CDH8: variants seen among roughly 807,000 people sequenced by gnomAD.
The protein encoded by CDH8 is cadherin-8.
CDH8 carries 17 observed loss-of-function variants against 68.1 expected under a neutral mutation model. The ratio of observed to expected loss-of-function variants is 0.25; its 90% CI spans 0.17 to 0.37. The LOEUF (loss-of-function observed/expected upper bound fraction) is 0.37, where lower values mean the gene tolerates loss of function less well. Among genes scored for constraint, CDH8 ranks in the 10% least tolerant of loss-of-function variants. The pLI, the probability that CDH8 is intolerant of heterozygous loss-of-function variation, is 1.00. For missense variants in CDH8, 763 were observed against 999.3 expected, an observed-to-expected ratio of 0.76 and a Z score of 3.19; for synonymous variants, 372 against 365.1, an observed-to-expected ratio of 1.02 and a Z score of -0.21.
chr16:61,933,512 CT>C (rs752664944), intron 2 of CDH8, among the ~76,000 whole-genome samples: 6 of 152,098 alleles, frequency 3.9e-5, no homozygotes, highest in Non-Finnish European at 7.3e-5. Flanking sequence ...TGATTTTGAA[CT>C]TAGAAAAGAT....
intron 2 of CDH8, among the ~76,000 whole-genome samples, chr16:61,907,579 C>T (rs1243178051): frequency 2.0e-5 from 3 of 151,730 alleles, no homozygotes; most frequent in Non-Finnish European, 4.4e-5. Context: ...ACCCAGGAGG[C>T]CAAGGTGGGA....
At chr16:61,768,342 CTCTCT>C in intron 8 of CDH8, among the ~76,000 whole-genome samples, 1 of 110,884 alleles carries the variant, frequency 9.0e-6, no homozygotes, top group African/African-American at 3.7e-5. Context: ...CTCTCTCTCT[CTCTCT>C]CTCTCTCTCT....
intron 11 of CDH8, 101 bp downstream of exon 11, chr16:61,655,369 G>A (rs961859364): frequency 6.9e-6 from 8 of 1,166,126 alleles, no homozygotes; most frequent in African/African-American, 6.2e-5. Flanking sequence ...CTTCCCCAAC[G>A]GAATGCTCTT....
At chr16:61,854,532 C>CT (rs1269231747) in intron 4 of CDH8, among the ~76,000 whole-genome samples, 2 of 152,030 alleles carry the variant, frequency 1.3e-5, no homozygotes, top group Non-Finnish European at 2.9e-5. Context: ...CTACATACCC[C>CT]TTTTATTTTT....
chr16:61,694,895 C>A (rs994675729), intron 10 of CDH8, among the ~76,000 whole-genome samples: 1 of 152,016 alleles, frequency 6.6e-6, no homozygotes, highest in African/African-American at 2.4e-5. Flanking sequence ...GATTCTCCTG[C>A]CTCAGCCTCC....
At chr16:61,677,173 A>G (rs1445146618) in intron 10 of CDH8, among the ~76,000 whole-genome samples, 12 of 150,842 alleles carry the variant, frequency 8.0e-5, no homozygotes, top group Non-Finnish European at 5.9e-5. Flanking sequence ...TTTCTCTTTC[A>G]TTCCAGTATC....
At chr16:61,668,632 T>C (rs1357200392) in intron 10 of CDH8, among the ~76,000 whole-genome samples, 1 of 143,322 alleles carries the variant, frequency 7.0e-6, no homozygotes, top group Non-Finnish European at 1.5e-5. Flanking sequence ...TGAAGAAGGG[T>C]AAAAAATGCA....
At chr16:62,003,165 G>A (rs1044152294) in intron 2 of CDH8, among the ~76,000 whole-genome samples, 1 of 152,176 alleles carries the variant, frequency 6.6e-6, no homozygotes. Flanking sequence ...TCTTGGGGGA[G>A]GTGGGCATGT....
intron 10 of CDH8, among the ~76,000 whole-genome samples, chr16:61,678,943 T>C (rs973465700): frequency 5.3e-5 from 8 of 152,058 alleles, no homozygotes; most frequent in Non-Finnish European, 8.8e-5. Flanking sequence ...GACAATGTCA[T>C]GACCTGGAAC....
Position 61,648,136 on chromosome 16 carries a change from A to AT in CDH8, c.*5471dup. On this transcript the variant is annotated 3_prime_UTR_variant, in exon 12 of 12. Coordinates refer to ENST00000577390, the MANE Select transcript of CDH8 (RefSeq NM_001796.5). ...ATTACAACTCAGGAGATGACCCCAA[A>AT]TACCAGCATGTAATTTCTGTTTCTC... 3.4e-6 allele frequency: 1 copy of AT among 294,914 alleles called. No individual in the cohort carries two copies. Among genetic ancestry groups the AT allele is most frequent in the East Asian group, 6.5e-5 (1 of 15,350 alleles). 18.3% of individuals were successfully genotyped at this position (294,914 alleles called of 1,614,324 possible). A position where few individuals can be genotyped will look rare whatever the true frequency, so the allele number is the denominator to read the frequency against.
intron 9 of CDH8, among the ~76,000 whole-genome samples, chr16:61,724,050 G>T (rs112101886): frequency 1.3e-4 from 19 of 150,540 alleles, no homozygotes; most frequent in African/African-American, 3.9e-4. Flanking sequence ...GTAACAGAGA[G>T]ATTATTTAAA....
intron 8 of CDH8, among the ~76,000 whole-genome samples, chr16:61,731,659 AT>A (rs1345602901): frequency 6.6e-6 from 1 of 151,830 alleles, no homozygotes; most frequent in South Asian, 2.1e-4. Context: ...CCAGAGGAGG[AT>A]TGGTAACTAG....
intron 3 of CDH8, among the ~76,000 whole-genome samples, chr16:61,893,827 T>A (rs1350491408): frequency 6.6e-6 from 1 of 152,178 alleles, no homozygotes; most frequent in Non-Finnish European, 1.5e-5. Flanking sequence ...TCAAAGCTAA[T>A]GTAAATAAAT....
At chr16:61,847,538 T>TTTTATA (rs1312798297) in intron 4 of CDH8, among the ~76,000 whole-genome samples, 3 of 136,750 alleles carry the variant, frequency 2.2e-5, no homozygotes, top group Non-Finnish European at 3.2e-5. Context: ...TCCAATCATT[T>TTTTATA]TATATATATA....
At chr16:61,702,417 A>G (rs953917437) in intron 10 of CDH8, among the ~76,000 whole-genome samples, 1 of 152,138 alleles carries the variant, frequency 6.6e-6, no homozygotes, top group Non-Finnish European at 1.5e-5. Context: ...AGTCAGTCAT[A>G]CTTTATTTCT....
intron 4 of CDH8, among the ~76,000 whole-genome samples, chr16:61,827,575 T>A (rs1227621398): frequency 6.6e-6 from 1 of 151,926 alleles, no homozygotes; most frequent in African/African-American, 2.4e-5. Flanking sequence ...AAAATAGTTT[T>A]TTTACTCACT....
At position 61,651,248 on chromosome 16, in the gene CDH8, A is replaced by C. The variant is rs575405058; in HGVS notation, c.*2360T>G. On this transcript the variant is annotated 3_prime_UTR_variant, in exon 12 of 12. Coordinates refer to ENST00000577390, the MANE Select transcript of CDH8 (RefSeq NM_001796.5). The stretch of plus-strand genomic sequence containing the variant: ...TTGGTTATTACTGCAACTACTACTA[A>C]TAATTTACATTCACCAAGCACTTGT... 1 of 152,120 alleles carries C rather than the reference A, an allele frequency of 6.6e-6. No individual in the cohort carries two copies. Among genetic ancestry groups the C allele is most frequent in the Non-Finnish European group, 1.5e-5 (1 of 68,032 alleles). The allele number at this position is 152,120 out of a possible 1,614,324, so 9.4% of individuals were successfully genotyped here.
At chr16:61,779,943 GA>G (rs1457576416) in intron 8 of CDH8, among the ~76,000 whole-genome samples, 11 of 152,138 alleles carry the variant, frequency 7.2e-5, no homozygotes, top group Admixed American at 3.9e-4. Context: ...GGTTTCTGTG[GA>G]AGGTGTTTAA....
In CDH8 at chr16:61,968,091, C is replaced by T. The variant is rs112660955; in HGVS notation, c.252+53061G>A. Among the ~76,000 whole-genome samples, 487 of 152,274 alleles carry T rather than the reference C, an allele frequency of 3.2e-3. 5 individuals carry two copies. The highest frequency in any genetic ancestry group is 0.011 in the African/African-American group (453 of 41,564). On this transcript the variant is annotated intron_variant, in intron 2 of 11. Transcript: ENST00000577390. ...TCCCAAAGAGCTGGGATTACATAAG[C>T]AACCGGGCTGGGCCTAGAGATCATT... is the stretch of plus-strand genomic sequence containing the variant.
Sources: allele counts gnomAD v4.1 joint callset (sites outside exome capture counted in the v4.1 genomes callset), GRCh38; gene constraint gnomAD v4.1.1; transcripts MANE v1.5; gene names NCBI Gene and HGNC (gene_info 2026-07-23, HGNC 2026-07-21).